Variants in INTS8 observed in about 807,000 individuals in gnomAD.
INTS8 encodes the protein protein kaonashi-1.
INTS8 carries 47 observed loss-of-function variants against 138.9 expected under a neutral mutation model. The observed-to-expected ratio is 0.34, with a 90% CI of 0.27 to 0.43. INTS8 has a LOEUF of 0.43. INTS8 is among the 20% of genes least tolerant of loss of function. INTS8 has a pLI of 1.00. For missense variants in INTS8, 996 were observed against 1,173.0 expected, an observed-to-expected ratio of 0.85 and a Z score of 2.20; for synonymous variants, 392 against 400.9, an observed-to-expected ratio of 0.98 and a Z score of 0.27.
chr8:94,828,800 A>G (rs1318938041), intron 4 of INTS8, among the ~76,000 whole-genome samples, 175 bp from the exon 5 acceptor site: 1 of 152,240 alleles, frequency 6.6e-6, no homozygotes, highest in East Asian at 1.9e-4. Context: ...AAATACTGGT[A>G]CGTTAATAAG....
At chr8:94,837,243 A>T (rs186556314) in intron 7 of INTS8, among the ~76,000 whole-genome samples, 7 of 152,284 alleles carry the variant, frequency 4.6e-5, no homozygotes, top group Non-Finnish European at 1.0e-4. Flanking sequence ...CTTGGCTTTC[A>T]TTAATTCCTA....
At chr8:94,857,332 A>G (rs1815789272) in intron 15 of INTS8, among the ~76,000 whole-genome samples, 1 of 152,050 alleles carries the variant, frequency 6.6e-6, no homozygotes, top group South Asian at 2.1e-4. Flanking sequence ...TCGCCCTCCC[A>G]AAGTGCTGGG....
chr8:94,865,094 C>T (rs76494498), intron 16 of INTS8, among the ~76,000 whole-genome samples: 3 of 151,962 alleles, frequency 2.0e-5, no homozygotes, highest in Non-Finnish European at 4.4e-5. Flanking sequence ...CTATTTTAAC[C>T]TCACCCCCTG....
chr8:94,876,044 G>T, intron 23 of INTS8, 30 bp from the exon 24 acceptor site: 1 of 1,452,756 alleles, frequency 6.9e-7, no homozygotes, highest in South Asian at 1.2e-5. Flanking sequence ...TTCATTACAT[G>T]AAACCATTTT....
At chr8:94,832,750 G>A (rs1274642111) in intron 6 of INTS8, among the ~76,000 whole-genome samples, 1 of 152,004 alleles carries the variant, frequency 6.6e-6, no homozygotes, top group Non-Finnish European at 1.5e-5. Flanking sequence ...CGCCTCCCGG[G>A]TTCATGCCAT....
At chr8:94,827,843 T>G (rs1586464664) in intron 4 of INTS8, 50 bp downstream of exon 4, 2 of 1,436,300 alleles carry the variant, frequency 1.4e-6, no homozygotes, top group East Asian at 4.5e-5. Context: ...ATTGGAGTTT[T>G]AAAAATGTTT....
chr8:94,877,583 T>C lies in INTS8; in HGVS notation c.2871+1094T>C, dbSNP rs115768830. Among the ~76,000 whole-genome samples, 849 of 152,318 alleles carry C rather than the reference T, an allele frequency of 5.6e-3. 6 individuals are homozygous for C. The highest frequency in any genetic ancestry group is 0.019 in the African/African-American group (808 of 41,570). On this transcript the variant is annotated intron_variant, in intron 26 of 26. Transcript: ENST00000523731. ...TATGCTTCATACCTTACTTCCTTAC[T>C]AGCTCCTGTAAGTATCTGGTTGTTC...
At chr8:94,833,698 T>C (rs1286909554) in intron 6 of INTS8, among the ~76,000 whole-genome samples, 1 of 152,224 alleles carries the variant, frequency 6.6e-6, no homozygotes, top group Non-Finnish European at 1.5e-5. Context: ...AAATGTTCTT[T>C]TACTTACATA....
intron 6 of INTS8, among the ~76,000 whole-genome samples, chr8:94,835,749 G>A (rs1230033398): frequency 1.3e-5 from 2 of 152,088 alleles, no homozygotes; most frequent in African/African-American, 2.4e-5. Context: ...ACAGGTGTGC[G>A]CCACTACGCC....
intron 26 of INTS8, among the ~76,000 whole-genome samples, chr8:94,878,406 C>T (rs1816644893): frequency 6.6e-6 from 1 of 152,164 alleles, no homozygotes; most frequent in African/African-American, 2.4e-5. Context: ...TGTTAAGAGT[C>T]TTGGGAATGG....
intron 10 of INTS8, among the ~76,000 whole-genome samples, chr8:94,846,105 T>A (rs189257012): frequency 6.6e-6 from 1 of 152,296 alleles, no homozygotes; most frequent in Non-Finnish European, 1.5e-5. Flanking sequence ...TTGAAAATAG[T>A]TTATGCATTG....
At chr8:94,873,876 C>T (rs1816487869) in intron 22 of INTS8, 2 of 159,976 alleles carry the variant, frequency 1.3e-5, no homozygotes, top group African/African-American at 4.8e-5. Flanking sequence ...TTTACTGACC[C>T]TCCTGCCACC....
At position 94,876,127 on chromosome 8, in the gene INTS8, A is replaced by G; in HGVS notation, c.2742A>G (p.Lys914=). 1 of 1,611,514 alleles carries G rather than the reference A, an allele frequency of 6.2e-7. No individual in the cohort carries two copies. The highest frequency in any genetic ancestry group is 8.5e-7 in the Non-Finnish European group (1 of 1,177,848). The change falls in exon 24 of 27, where the codon AAA becomes AAG. Residue 914 remains lysine, a synonymous_variant. Coordinates refer to ENST00000523731, the MANE Select transcript of INTS8 (RefSeq NM_017864.4). The part of the protein sequence containing the change: ...LREIDYKTAF[K]SLQEQNSHDA... ...AAATTGACTACAAAACAGCGTTTAA[A>G]TCTCTGCAAGAACAAAACAGGTATG...
At chr8:94,865,119 T>C (rs1181861983) in intron 16 of INTS8, among the ~76,000 whole-genome samples, 1 of 152,168 alleles carries the variant, frequency 6.6e-6, no homozygotes, top group African/African-American at 2.4e-5. Flanking sequence ...TTTACCACAG[T>C]TAACATCTTG....
intron 7 of INTS8, among the ~76,000 whole-genome samples, chr8:94,836,939 G>A (rs577351932): frequency 1.1e-4 from 16 of 152,096 alleles, no homozygotes; most frequent in African/African-American, 3.9e-4. Context: ...ATATTATGTG[G>A]AAGTACTCTG....
At chr8:94,870,974 T>G (rs1381038930) in intron 20 of INTS8, among the ~76,000 whole-genome samples, 1 of 152,104 alleles carries the variant, frequency 6.6e-6, no homozygotes, top group Non-Finnish European at 1.5e-5. Flanking sequence ...ACTCTTTTCT[T>G]GATTCTTGGG....
Position 94,859,587 on chromosome 8 carries a change from A to T in INTS8, c.2031A>T (p.Thr677=). The change falls in exon 16 of 27, where the codon ACA becomes ACT. Residue 677 remains threonine, a synonymous_variant. Coordinates refer to ENST00000523731, the MANE Select transcript of INTS8 (RefSeq NM_017864.4). The stretch of plus-strand genomic sequence containing the variant: ...ACTGGAGAGAAAATGAATACCTTAC[A>T]CTCCAAGTTCCTGCATTTTTGCTTC... ...MLNWRENEYL[T]LQVPAFLLQS... is the part of the protein sequence containing the mutation. 3.1e-6 allele frequency: 5 copies of T among 1,611,696 alleles called. No individual in the cohort carries two copies. The highest frequency in any genetic ancestry group is 4.2e-6 in the Non-Finnish European group (5 of 1,178,034).
chr8:94,870,062 T>A (rs1343903480), intron 20 of INTS8, among the ~76,000 whole-genome samples: 1 of 151,826 alleles, frequency 6.6e-6, no homozygotes, highest in African/African-American at 2.4e-5. Flanking sequence ...TATTTATTTT[T>A]TTTTTTTGAG....
At chr8:94,836,445 G>A in intron 6 of INTS8, 79 bp from the exon 7 acceptor site, 1 of 1,056,358 alleles carries the variant, frequency 9.5e-7, no homozygotes, top group Admixed American at 2.0e-5. Context: ...GTTTTCGTGA[G>A]ATAAAGACAG....
Sources: allele counts gnomAD v4.1 joint callset (sites outside exome capture counted in the v4.1 genomes callset), GRCh38; gene constraint gnomAD v4.1.1; transcripts MANE v1.5; gene names NCBI Gene and HGNC (gene_info 2026-07-23, HGNC 2026-07-21).